The following PABPC4L variants were observed in gnomAD, a reference collection of about 807,000 sequenced individuals.
PABPC4L encodes the protein poly(A) binding protein cytoplasmic 4 like.
For synonymous variants in PABPC4L, 169 were observed against 164.1 expected, an observed-to-expected ratio of 1.03 and a Z score of -0.23; for missense variants, 452 against 451.4, an observed-to-expected ratio of 1.00 and a Z score of -0.01.
At chr4:134,033,219 G>A in the PABPC4L span, among the ~76,000 whole-genome samples, 6 of 151,560 alleles carry the variant, frequency 4.0e-5, no homozygotes, top group African/African-American at 1.4e-4. Flanking sequence ...TAACTGTTCT[G>A]GAGGACCACA....
At chr4:133,979,307 T>A in the PABPC4L span, among the ~76,000 whole-genome samples, 1 of 152,088 alleles carries the variant, frequency 6.6e-6, no homozygotes, top group Non-Finnish European at 1.5e-5. Context: ...TTCTGAAAAA[T>A]TTTGTAAGCT....
the PABPC4L span, among the ~76,000 whole-genome samples, chr4:134,036,926 C>T: frequency 8.6e-5 from 13 of 151,746 alleles, no homozygotes; most frequent in South Asian, 4.2e-4. Context: ...TGTTGTGGTG[C>T]GTGCCTGTAA....
At chr4:133,979,872 AT>A in the PABPC4L span, among the ~76,000 whole-genome samples, 595 of 152,294 alleles carry the variant, frequency 3.9e-3, 4 homozygotes, top group East Asian at 0.018. Context: ...TTCCAAAAAA[AT>A]CAGATGTTTC....
chr4:133,971,712 T>C, the PABPC4L span, among the ~76,000 whole-genome samples: 1 of 152,184 alleles, frequency 6.6e-6, no homozygotes, highest in Non-Finnish European at 1.5e-5. Context: ...TCACAGGGCT[T>C]CTTTCTGTTT....
the PABPC4L span, among the ~76,000 whole-genome samples, chr4:134,170,828 C>T: frequency 6.6e-6 from 1 of 152,140 alleles, no homozygotes; most frequent in Non-Finnish European, 1.5e-5. Context: ...AGAATGATTT[C>T]TATTCCTTTG....
the PABPC4L span, among the ~76,000 whole-genome samples, chr4:133,955,277 A>C: frequency 6.6e-6 from 1 of 152,120 alleles, no homozygotes; most frequent in South Asian, 2.1e-4. Flanking sequence ...TTGAAAAAAA[A>C]AGATTTTTTT....
At chr4:134,003,905 G>T in the PABPC4L span, among the ~76,000 whole-genome samples, 1 of 151,814 alleles carries the variant, frequency 6.6e-6, no homozygotes, top group Non-Finnish European at 1.5e-5. Flanking sequence ...AATAAGCTAG[G>T]TATGATTAAG....
chr4:134,034,312 T>A, the PABPC4L span, among the ~76,000 whole-genome samples: 1 of 151,890 alleles, frequency 6.6e-6, no homozygotes, highest in Non-Finnish European at 1.5e-5. Flanking sequence ...TGACAATGCA[T>A]CTAGTCACCC....
chr4:134,174,905 G>T, the PABPC4L span, among the ~76,000 whole-genome samples: 1 of 151,976 alleles, frequency 6.6e-6, no homozygotes, highest in Non-Finnish European at 1.5e-5. Context: ...TCTTTAGCGG[G>T]TTTTGAAATA....
the PABPC4L span, among the ~76,000 whole-genome samples, chr4:134,077,182 GTT>G: frequency 1.3e-5 from 2 of 152,088 alleles, no homozygotes; most frequent in Admixed American, 6.5e-5. Context: ...ATTGAATTAA[GTT>G]TCTTGAAATG....
the PABPC4L span, among the ~76,000 whole-genome samples, chr4:134,146,179 T>A: frequency 2.0e-4 from 31 of 152,144 alleles, no homozygotes; most frequent in African/African-American, 6.7e-4. Context: ...GCTTTGTGTA[T>A]CATTTATTAA....
chr4:133,996,879 TAG>T, the PABPC4L span, among the ~76,000 whole-genome samples: 2 of 152,150 alleles, frequency 1.3e-5, no homozygotes, highest in African/African-American at 4.8e-5. Flanking sequence ...GACCCCCTAG[TAG>T]AGAGCAGTCC....
chr4:134,158,408 A>G, the PABPC4L span, among the ~76,000 whole-genome samples: 1 of 152,030 alleles, frequency 6.6e-6, no homozygotes, highest in African/African-American at 2.4e-5. Flanking sequence ...ATAATTTTCT[A>G]GGTAGGAGTT....
At chr4:134,147,877 A>T in the PABPC4L span, among the ~76,000 whole-genome samples, 1 of 152,024 alleles carries the variant, frequency 6.6e-6, no homozygotes, top group Admixed American at 6.6e-5. Context: ...AAGAAAAGGC[A>T]GTCATAAAGG....
chr4:133,970,655 C>T, the PABPC4L span, among the ~76,000 whole-genome samples: 1 of 152,088 alleles, frequency 6.6e-6, no homozygotes, highest in Non-Finnish European at 1.5e-5. Context: ...ATATATGTGT[C>T]CCCTCAAAAT....
At chr4:134,028,396 C>A in the PABPC4L span, among the ~76,000 whole-genome samples, 4 of 151,612 alleles carry the variant, frequency 2.6e-5, no homozygotes, top group East Asian at 7.8e-4. Flanking sequence ...TCTATGTGCT[C>A]TGCTCTCTCC....
At chr4:134,185,342 A>G in the PABPC4L span, among the ~76,000 whole-genome samples, 1 of 152,078 alleles carries the variant, frequency 6.6e-6, no homozygotes, top group Admixed American at 6.6e-5. Context: ...ATCTACCACA[A>G]TCAACTTGGC....
At chr4:134,015,133 C>T in the PABPC4L span, among the ~76,000 whole-genome samples, 19 of 152,222 alleles carry the variant, frequency 1.2e-4, no homozygotes, top group Admixed American at 1.2e-3. Context: ...AACCTAATCA[C>T]CCTTACCCTG....
chr4:134,129,736 G>C, the PABPC4L span, among the ~76,000 whole-genome samples: 49 of 151,940 alleles, frequency 3.2e-4, no homozygotes, highest in African/African-American at 1.1e-3. Flanking sequence ...CAGCAAAAGT[G>C]GTGCTAAGAG....
Sources: gnomAD v4.1 joint callset for allele counts (sites outside exome capture counted in the v4.1 genomes callset) on GRCh38, gnomAD v4.1.1 for gene constraint, MANE v1.5 for transcripts, NCBI Gene and HGNC (gene_info 2026-07-23, HGNC 2026-07-21) for gene names.